The following SLC30A8 variants were observed in gnomAD, a reference collection of about 807,000 sequenced individuals.
The protein encoded by SLC30A8 is proton-coupled zinc antiporter SLC30A8.
A neutral mutation model predicts 36.9 loss-of-function variants in SLC30A8; 27 were observed. The ratio of observed to expected loss-of-function variants is 0.73; its 90% CI spans 0.54 to 1.01. SLC30A8 has a LOEUF of 1.01. SLC30A8 is among the 50% of genes least tolerant of loss of function. The probability of loss-of-function intolerance (pLI) is 0.00; values close to 1 mark genes in which losing one functional copy is unlikely to be tolerated. For missense variants in SLC30A8, 439 were observed against 452.0 expected (o/e 0.97, Z 0.26); for synonymous variants, 164 against 172.4 (o/e 0.95, Z 0.38).
intron 1 of SLC30A8, among the ~76,000 whole-genome samples, chr8:116,956,960 G>A (rs1175800549): frequency 1.3e-5 from 2 of 152,120 alleles, no homozygotes; most frequent in Non-Finnish European, 1.5e-5. Flanking sequence ...CATTTAATAA[G>A]TGACATGTAG....
chr8:117,145,985 A>G (rs566471031), intron 1 of SLC30A8, among the ~76,000 whole-genome samples: 1 of 152,290 alleles, frequency 6.6e-6, no homozygotes, highest in South Asian at 2.1e-4. Context: ...GGAGGAAGGT[A>G]TGAAGCAAGG....
chr8:116,960,984 G>A (rs1434560305), intron 1 of SLC30A8, among the ~76,000 whole-genome samples: 1 of 151,724 alleles, frequency 6.6e-6, no homozygotes, highest in Non-Finnish European at 1.5e-5. Flanking sequence ...AATATTATTA[G>A]TACAGAAGGA....
intron 4 of SLC30A8, among the ~76,000 whole-genome samples, chr8:117,159,006 G>A (rs1822642611): frequency 6.6e-6 from 1 of 152,230 alleles, no homozygotes. Flanking sequence ...GAGGGAGACA[G>A]GAGATCAGAG....
At chr8:117,161,583 T>C (rs1315293476) in intron 4 of SLC30A8, among the ~76,000 whole-genome samples, 155 bp from the exon 5 acceptor site, 1 of 152,242 alleles carries the variant, frequency 6.6e-6, no homozygotes, top group East Asian at 1.9e-4. Flanking sequence ...GACATATGTA[T>C]TTAAACATTA....
intron 1 of SLC30A8, among the ~76,000 whole-genome samples, chr8:116,964,470 CTAAT>C (rs1356261573): frequency 2.6e-5 from 4 of 152,134 alleles, no homozygotes; most frequent in African/African-American, 9.7e-5. Flanking sequence ...TTTTAAAACT[CTAAT>C]TAAGGGGGGC....
chr8:116,968,210 A>T (rs1366453614), intron 1 of SLC30A8, among the ~76,000 whole-genome samples: 3 of 152,136 alleles, frequency 2.0e-5, no homozygotes, highest in Non-Finnish European at 4.4e-5. Context: ...GCTGTCCTGC[A>T]GCAACAAATA....
chr8:117,152,652 A>G (rs1822247648), intron 2 of SLC30A8, among the ~76,000 whole-genome samples: 1 of 152,080 alleles, frequency 6.6e-6, no homozygotes, highest in South Asian at 2.1e-4. Flanking sequence ...CCTCTTTTGA[A>G]TCCTTATACC....
At chr8:117,145,299 TA>T (rs1441957242) in intron 1 of SLC30A8, among the ~76,000 whole-genome samples, 14 of 152,236 alleles carry the variant, frequency 9.2e-5, no homozygotes, top group African/African-American at 3.4e-4. Context: ...AGCTACACAA[TA>T]AAATATCAAT....
At chr8:117,019,361 C>T (rs1409767830) in intron 1 of SLC30A8, among the ~76,000 whole-genome samples, 1 of 152,200 alleles carries the variant, frequency 6.6e-6, no homozygotes, top group East Asian at 1.9e-4. Context: ...CAATTTCATA[C>T]AAAAATAAAG....
At chr8:117,039,192 G>T (rs1369111697) in intron 1 of SLC30A8, 1 of 152,128 alleles carries the variant, frequency 6.6e-6, no homozygotes, top group Non-Finnish European at 1.5e-5. Context: ...CTTCAGTTTA[G>T]TTGCTCATTT....
intron 4 of SLC30A8, among the ~76,000 whole-genome samples, chr8:117,160,849 CT>C (rs1343625457): frequency 6.6e-6 from 1 of 152,204 alleles, no homozygotes; most frequent in African/African-American, 2.4e-5. Flanking sequence ...TTAACAGACA[CT>C]TTACCTGAAA....
At chr8:117,002,153 G>A (rs1190873662) in intron 1 of SLC30A8, among the ~76,000 whole-genome samples, 1 of 152,070 alleles carries the variant, frequency 6.6e-6, no homozygotes, top group African/African-American at 2.4e-5. Context: ...GTTTGTTTAT[G>A]GTGTAATTTA....
intron 1 of SLC30A8, among the ~76,000 whole-genome samples, chr8:117,024,078 G>A (rs1335686579): frequency 6.6e-6 from 1 of 152,130 alleles, no homozygotes; most frequent in East Asian, 1.9e-4. Flanking sequence ...CTTACTCATG[G>A]TTGGATGTCT....
At chr8:116,976,241 TC>T (rs143603414) in intron 1 of SLC30A8, among the ~76,000 whole-genome samples, 2,815 of 145,768 alleles carry the variant, frequency 0.019, 57 homozygotes, top group Non-Finnish European at 0.026. Context: ...AAGTTCTCTC[TC>T]TTTTTTTTTT....
chr8:116,959,342 T>C (rs779125089), intron 1 of SLC30A8, among the ~76,000 whole-genome samples: 3 of 152,210 alleles, frequency 2.0e-5, no homozygotes, highest in Non-Finnish European at 4.4e-5. Context: ...TCCACTTATC[T>C]TTTAAAGCAT....
intron 1 of SLC30A8, among the ~76,000 whole-genome samples, chr8:117,026,509 CCT>C (rs1423524746): frequency 9.9e-5 from 15 of 152,122 alleles, no homozygotes; most frequent in Non-Finnish European, 1.5e-5. Context: ...AACTGACCTC[CCT>C]CTCTCTGTAC....
chr8:117,159,103 A>C (rs1822648301), intron 4 of SLC30A8, among the ~76,000 whole-genome samples: 1 of 152,154 alleles, frequency 6.6e-6, no homozygotes, highest in South Asian at 2.1e-4. Flanking sequence ...AAAGACAAGA[A>C]CATGAATTTC....
intron 1 of SLC30A8, chr8:117,039,210 C>A (rs925684493): frequency 2.6e-5 from 4 of 152,182 alleles, no homozygotes; most frequent in Admixed American, 6.5e-5. Context: ...TTTTTTACTT[C>A]TCTTACAGGA....
intron 1 of SLC30A8, among the ~76,000 whole-genome samples, chr8:116,997,912 G>A (rs572013856): frequency 4.6e-5 from 7 of 152,262 alleles, no homozygotes; most frequent in East Asian, 1.9e-4. Context: ...GATGAGACAG[G>A]CACATGGAAA....
Sources: gnomAD v4.1 joint callset for allele counts (sites outside exome capture counted in the v4.1 genomes callset) on GRCh38, gnomAD v4.1.1 for gene constraint, MANE v1.5 for transcripts, NCBI Gene and HGNC (gene_info 2026-07-23, HGNC 2026-07-21) for gene names.